SLC24A3: variants seen among roughly 807,000 people sequenced by gnomAD.
The protein encoded by SLC24A3 is solute carrier family 24 member 3.
SLC24A3 carries 28 observed loss-of-function variants against 75.8 expected under a neutral mutation model. The ratio of observed to expected loss-of-function variants is 0.37; its 90% CI spans 0.27 to 0.51. The LOEUF (loss-of-function observed/expected upper bound fraction) is 0.51. SLC24A3 is among the 20% of genes least tolerant of loss of function. SLC24A3 has a pLI of 0.94. For missense variants in SLC24A3, 663 were observed against 847.8 expected (o/e 0.78, Z 2.71); for synonymous variants, 372 against 334.1 (o/e 1.11, Z -1.24).
At chr20:19,498,442 C>G (rs1201463365) in intron 2 of SLC24A3, among the ~76,000 whole-genome samples, 1 of 151,942 alleles carries the variant, frequency 6.6e-6, no homozygotes, top group Non-Finnish European at 1.5e-5. Flanking sequence ...GCCCCTCCCC[C>G]ACCCCCACAC....
intron 2 of SLC24A3, among the ~76,000 whole-genome samples, chr20:19,471,591 C>T (rs1987871994): frequency 1.3e-5 from 2 of 152,216 alleles, no homozygotes; most frequent in Admixed American, 6.5e-5. Context: ...AATGTCAAGA[C>T]AAGGACATTT....
At chr20:19,655,949 CCTAA>C (rs941982715) in intron 7 of SLC24A3, among the ~76,000 whole-genome samples, 67 of 151,968 alleles carry the variant, frequency 4.4e-4, no homozygotes, top group African/African-American at 1.6e-3. Flanking sequence ...TCTTAAGAGC[CCTAA>C]CTAATACAGC....
chr20:19,222,754 CTT>C (rs59288851), intron 1 of SLC24A3, among the ~76,000 whole-genome samples: 1 of 113,860 alleles, frequency 8.8e-6, no homozygotes, highest in East Asian at 3.6e-4. Context: ...CTCCCTCCTT[CTT>C]CCTTCCCTCC....
intron 2 of SLC24A3, among the ~76,000 whole-genome samples, chr20:19,281,781 A>G (rs555520690): frequency 4.5e-4 from 68 of 152,356 alleles, no homozygotes; most frequent in African/African-American, 1.6e-3. Context: ...AGGGCCAGAC[A>G]GTAAATACTG....
intron 2 of SLC24A3, among the ~76,000 whole-genome samples, chr20:19,331,340 TATAG>T (rs1330947565): frequency 2.0e-5 from 3 of 152,006 alleles, no homozygotes; most frequent in Admixed American, 6.6e-5. Flanking sequence ...GGAAAAATGG[TATAG>T]ATAGATGGAT....
At chr20:19,260,901 C>G (rs1178623991) in intron 1 of SLC24A3, among the ~76,000 whole-genome samples, 3 of 152,226 alleles carry the variant, frequency 2.0e-5, no homozygotes, top group African/African-American at 7.2e-5. Flanking sequence ...TGGCGGTAGA[C>G]AGCCTGTCAT....
chr20:19,530,799 A>G (rs1350585128), intron 3 of SLC24A3, among the ~76,000 whole-genome samples: 1 of 152,158 alleles, frequency 6.6e-6, no homozygotes, highest in Non-Finnish European at 1.5e-5. Flanking sequence ...CCTAGACAGT[A>G]GCTGCGAGCT....
chr20:19,405,515 A>G (rs1986628553), intron 2 of SLC24A3, among the ~76,000 whole-genome samples: 1 of 152,228 alleles, frequency 6.6e-6, no homozygotes, highest in Non-Finnish European at 1.5e-5. Context: ...AAATGTACTT[A>G]GTACCCTGGC....
At chr20:19,498,308 C>T (rs548982913) in intron 2 of SLC24A3, among the ~76,000 whole-genome samples, 35 of 152,170 alleles carry the variant, frequency 2.3e-4, no homozygotes, top group African/African-American at 8.4e-4. Context: ...TGAATCATCC[C>T]CAAACCACCC....
intron 1 of SLC24A3, among the ~76,000 whole-genome samples, chr20:19,278,757 T>C (rs942571937): frequency 6.6e-6 from 1 of 152,170 alleles, no homozygotes; most frequent in African/African-American, 2.4e-5. Flanking sequence ...AGACTCCACA[T>C]CCTTCCTCCA....
At chr20:19,654,167 C>G (rs769375595) in intron 7 of SLC24A3, 31 bp downstream of exon 7, 1 of 1,604,742 alleles carries the variant, frequency 6.2e-7, no homozygotes, top group East Asian at 2.2e-5. Context: ...CAGCTCCCAT[C>G]AGTGCTCTTT....
chr20:19,664,126 T>C (rs2032370417), intron 7 of SLC24A3, among the ~76,000 whole-genome samples: 1 of 152,252 alleles, frequency 6.6e-6, no homozygotes, highest in African/African-American at 2.4e-5. Context: ...AAATTGATTG[T>C]TCCAGCCTGC....
intron 1 of SLC24A3, among the ~76,000 whole-genome samples, chr20:19,245,267 A>T (rs761117360): frequency 1.1e-4 from 16 of 152,182 alleles, no homozygotes; most frequent in Non-Finnish European, 2.4e-4. Context: ...TGGAGTTCAC[A>T]CTGGTCATCA....
chr20:19,260,842 G>A (rs868812725), intron 1 of SLC24A3, among the ~76,000 whole-genome samples: 1 of 152,144 alleles, frequency 6.6e-6, no homozygotes, highest in Admixed American at 6.5e-5. Flanking sequence ...AACCCCCTCC[G>A]GCATGGACCG....
intron 3 of SLC24A3, among the ~76,000 whole-genome samples, chr20:19,543,124 T>C (rs2030529932): frequency 6.6e-6 from 1 of 152,186 alleles, no homozygotes; most frequent in Non-Finnish European, 1.5e-5. Context: ...GGGAGGTTCA[T>C]CTCACTGTCC....
chr20:19,604,000 A>G (rs570809083), intron 6 of SLC24A3, among the ~76,000 whole-genome samples: 96 of 152,316 alleles, frequency 6.3e-4, no homozygotes, highest in African/African-American at 2.3e-3. Flanking sequence ...AGATGTCTGC[A>G]ATCCCCGGGC....
intron 12 of SLC24A3, among the ~76,000 whole-genome samples, chr20:19,689,442 G>A (rs1176883025): frequency 6.6e-6 from 1 of 152,180 alleles, no homozygotes; most frequent in African/African-American, 2.4e-5. Context: ...TCAGCTCTCA[G>A]TTGCTGGCTG....
chr20:19,649,399 G>A (rs1454062201), intron 6 of SLC24A3, among the ~76,000 whole-genome samples: 1 of 152,178 alleles, frequency 6.6e-6, no homozygotes, highest in Non-Finnish European at 1.5e-5. Context: ...CTGGCCAAAT[G>A]GACAGGTAGT....
chr20:19,287,395 A>G (rs1325026423), intron 2 of SLC24A3, among the ~76,000 whole-genome samples: 4 of 152,242 alleles, frequency 2.6e-5, no homozygotes, highest in African/African-American at 9.6e-5. Context: ...AGGCTGGCCC[A>G]TGTACATCAG....
Sources: gnomAD v4.1 joint callset for allele counts (sites outside exome capture counted in the v4.1 genomes callset) on GRCh38, gnomAD v4.1.1 for gene constraint, MANE v1.5 for transcripts, NCBI Gene and HGNC (gene_info 2026-07-23, HGNC 2026-07-21) for gene names.